Variants in LDB2 observed in about 807,000 individuals in gnomAD.
The protein encoded by LDB2 is LIM domain binding 2, also known as LIM domain-binding protein 2.
LDB2 carries 12 observed loss-of-function variants against 44.3 expected under a neutral mutation model. That is an observed-to-expected ratio of 0.27 (90% CI 0.17 to 0.44). LDB2 has a LOEUF of 0.44. Among genes scored for constraint, LDB2 ranks in the 20% least tolerant of loss-of-function variants. The probability of loss-of-function intolerance (pLI) is 1.00; values close to 1 mark genes in which losing one functional copy is unlikely to be tolerated. For missense variants in LDB2, 344 were observed against 473.5 expected (o/e 0.73, Z 2.54); for synonymous variants, 164 against 174.8 (o/e 0.94, Z 0.49).
intron 2 of LDB2, among the ~76,000 whole-genome samples, chr4:16,707,266 C>T (rs189483594): frequency 1.2e-4 from 18 of 152,200 alleles, no homozygotes; most frequent in Non-Finnish European, 1.3e-4. Flanking sequence ...AATAGGACTA[C>T]TATCTTTCTA....
At chr4:16,741,905 C>A (rs556865474) in intron 2 of LDB2, among the ~76,000 whole-genome samples, 1 of 152,196 alleles carries the variant, frequency 6.6e-6, no homozygotes, top group Non-Finnish European at 1.5e-5. Context: ...ATATTTTAAA[C>A]CTTATGAGGT....
At chr4:16,608,161 T>C (rs529407221) in intron 2 of LDB2, among the ~76,000 whole-genome samples, 29 of 143,296 alleles carry the variant, frequency 2.0e-4, no homozygotes, top group Non-Finnish European at 3.1e-4. Context: ...ACTGTATGTG[T>C]GTGATTCACA....
At chr4:16,882,803 A>G (rs1720538534) in intron 1 of LDB2, among the ~76,000 whole-genome samples, 1 of 152,232 alleles carries the variant, frequency 6.6e-6, no homozygotes, top group South Asian at 2.1e-4. Context: ...TTTTTAAAAT[A>G]GTACACACAA....
At chr4:16,855,045 A>G (rs1206550513) in intron 1 of LDB2, among the ~76,000 whole-genome samples, 1 of 152,170 alleles carries the variant, frequency 6.6e-6, no homozygotes, top group Admixed American at 6.5e-5. Context: ...GACAGCCAGT[A>G]TACAGAAGGA....
chr4:16,737,538 G>C (rs1762138621), intron 2 of LDB2, among the ~76,000 whole-genome samples: 1 of 151,984 alleles, frequency 6.6e-6, no homozygotes, highest in Non-Finnish European at 1.5e-5. Flanking sequence ...AAAAACTAAG[G>C]CAAATAATAT....
rs1230604595 is a variant in LDB2 at position 16,666,127 on chromosome 4, T to C, written c.236-70252A>G. 2.0e-5 allele frequency among the ~76,000 whole-genome samples: 3 copies of C among 152,226 alleles called. No homozygotes were observed. In the East Asian group the frequency reaches 5.8e-4, roughly 29 times the overall value. On this transcript the variant is annotated intron_variant, in intron 2 of 7. Transcript: ENST00000304523. ...CAGCCTGGATTGTGGTACTTTGTTATAGCTGCGACATGAAACAGAAACTAC... is the reference window on the plus strand; with the variant it reads ...CAGCCTGGATTGTGGTACTTTGTTACAGCTGCGACATGAAACAGAAACTAC...
At chr4:16,621,077 CTG>C (rs1054312181) in intron 2 of LDB2, among the ~76,000 whole-genome samples, 1 of 152,144 alleles carries the variant, frequency 6.6e-6, no homozygotes, top group Non-Finnish European at 1.5e-5. Flanking sequence ...GTGTACAGCA[CTG>C]TGTTGTGTTT....
intron 5 of LDB2, among the ~76,000 whole-genome samples, chr4:16,578,164 C>G (rs1276562227): frequency 6.6e-6 from 1 of 152,066 alleles, no homozygotes; most frequent in Non-Finnish European, 1.5e-5. Context: ...GCAAAGACTT[C>G]TTGACCAATA....
intron 2 of LDB2, among the ~76,000 whole-genome samples, chr4:16,721,622 T>C (rs1177899385): frequency 2.0e-5 from 3 of 152,154 alleles, no homozygotes; most frequent in Non-Finnish European, 1.5e-5. Context: ...AATGTATCCA[T>C]AGGACATGGA....
chr4:16,696,586 T>C (rs1340952959), intron 2 of LDB2, among the ~76,000 whole-genome samples: 3 of 152,162 alleles, frequency 2.0e-5, no homozygotes, highest in Non-Finnish European at 4.4e-5. Flanking sequence ...CCCACCATCA[T>C]GACAACAGAA....
At chr4:16,710,911 A>G (rs1250262736) in intron 2 of LDB2, among the ~76,000 whole-genome samples, 4 of 152,214 alleles carry the variant, frequency 2.6e-5, no homozygotes, top group Admixed American at 2.6e-4. Flanking sequence ...CCGAAAGGCA[A>G]TTGGCTCTGC....
At chr4:16,652,485 AC>A (rs1362050317) in intron 2 of LDB2, among the ~76,000 whole-genome samples, 1 of 152,160 alleles carries the variant, frequency 6.6e-6, no homozygotes, top group Non-Finnish European at 1.5e-5. Flanking sequence ...ATTTATGTTC[AC>A]CACGCTGATA....
At chr4:16,772,631 C>G (rs1292127297) in intron 1 of LDB2, among the ~76,000 whole-genome samples, 1 of 152,122 alleles carries the variant, frequency 6.6e-6, no homozygotes, top group Non-Finnish European at 1.5e-5. Flanking sequence ...CTCAGTAATT[C>G]TATTTCTGGG....
chr4:16,662,402 C>A (rs1432496961), intron 2 of LDB2, among the ~76,000 whole-genome samples: 1 of 152,172 alleles, frequency 6.6e-6, no homozygotes, highest in Non-Finnish European at 1.5e-5. Flanking sequence ...CCTGTTCTCC[C>A]ATTCCTAATT....
At chr4:16,631,640 A>T (rs558580430) in intron 2 of LDB2, among the ~76,000 whole-genome samples, 1 of 152,274 alleles carries the variant, frequency 6.6e-6, no homozygotes, top group South Asian at 2.1e-4. Context: ...GAAACAATAA[A>T]TCCAGGAGCC....
chr4:16,860,796 G>A (rs193236966), intron 1 of LDB2, among the ~76,000 whole-genome samples: 230 of 152,286 alleles, frequency 1.5e-3, no homozygotes, highest in Admixed American at 4.0e-3. Context: ...AGTCATGGCT[G>A]GTGAATGTAT....
intron 5 of LDB2, among the ~76,000 whole-genome samples, chr4:16,558,504 T>C (rs1164895401): frequency 1.3e-5 from 2 of 151,936 alleles, no homozygotes; most frequent in African/African-American, 4.8e-5. Flanking sequence ...AAGGGAAGTT[T>C]AGAGAAAAAA....
intron 2 of LDB2, among the ~76,000 whole-genome samples, chr4:16,670,219 G>GAACC (rs1279338873): frequency 2.0e-5 from 3 of 152,186 alleles, no homozygotes; most frequent in Admixed American, 2.0e-4. Flanking sequence ...TCCTCATGTA[G>GAACC]AACCAGTATG....
intron 1 of LDB2, among the ~76,000 whole-genome samples, chr4:16,883,518 G>A (rs778353966): frequency 3.7e-4 from 57 of 152,186 alleles, no homozygotes; most frequent in Non-Finnish European, 6.6e-4. Context: ...CCAGATACCC[G>A]CCCACTTAGG....
Sources: allele counts gnomAD v4.1 joint callset (sites outside exome capture counted in the v4.1 genomes callset), GRCh38; gene constraint gnomAD v4.1.1; transcripts MANE v1.5; gene names NCBI Gene and HGNC (gene_info 2026-07-23, HGNC 2026-07-21).